Variants in CFAP299 observed in about 807,000 individuals in gnomAD.
The protein encoded by CFAP299 is cilia- and flagella-associated protein 299.
In CFAP299, 21 loss-of-function variants were observed where a neutral mutation model predicts 27.0. The ratio of observed to expected loss-of-function variants is 0.78; its 90% confidence interval spans 0.55 to 1.12. The LOEUF (loss-of-function observed/expected upper bound fraction) is 1.12, where lower values mean the gene tolerates loss of function less well. CFAP299 is among the 50% of genes most tolerant of loss of function. The pLI is 0.00. For synonymous variants in CFAP299, 104 were observed against 98.1 expected (o/e 1.06, Z -0.36); for missense variants, 310 against 276.6 (o/e 1.12, Z -0.86).
At chr4:80,707,361 C>G (rs533565437) in intron 3 of CFAP299, among the ~76,000 whole-genome samples, 3 of 151,698 alleles carry the variant, frequency 2.0e-5, no homozygotes, top group Non-Finnish European at 4.4e-5. Context: ...TTTCAGTGTC[C>G]ATAAATAAAG....
rs1375153131 is a variant in CFAP299, at chr4:80,948,868, A to G, written c.606+3929A>G. 2.6e-5 allele frequency among the ~76,000 whole-genome samples: 4 copies of G among 152,134 alleles called. No individual in the cohort carries two copies. The East Asian group carries it at 5.8e-4, about 22-fold the overall frequency. Reference sequence around the variant, plus strand: ...AATAGTAATAGTGCTACACTAATTAAAAGTTAATGAGTAAATTATGTTAGT... The same window carrying G: ...AATAGTAATAGTGCTACACTAATTAGAAGTTAATGAGTAAATTATGTTAGT... On this transcript the variant is annotated intron_variant, in intron 5 of 5. Coordinates refer to ENST00000358105, the MANE Select transcript of CFAP299 (RefSeq NM_152770.3).
chr4:80,493,226 G>A (rs1731231758), intron 2 of CFAP299, among the ~76,000 whole-genome samples: 1 of 152,172 alleles, frequency 6.6e-6, no homozygotes. Context: ...AATAGCACTT[G>A]AATATAAAAC....
intron 2 of CFAP299, among the ~76,000 whole-genome samples, chr4:80,439,000 T>A (rs1728223029): frequency 6.6e-6 from 1 of 152,264 alleles, no homozygotes; most frequent in Admixed American, 6.5e-5. Flanking sequence ...AAAAGCTATC[T>A]ATTTTTGTAT....
chr4:80,783,774 T>C (rs548730284), intron 3 of CFAP299, among the ~76,000 whole-genome samples: 1 of 152,274 alleles, frequency 6.6e-6, no homozygotes, highest in Admixed American at 6.5e-5. Flanking sequence ...ATATCCTAAA[T>C]TGTAATATTG....
chr4:80,358,633 A>T (rs1231839370), intron 1 of CFAP299, among the ~76,000 whole-genome samples: 2 of 152,122 alleles, frequency 1.3e-5, no homozygotes, highest in Non-Finnish European at 2.9e-5. Flanking sequence ...TTTGTCAGAA[A>T]CTATGATTGC....
At chr4:80,960,473 A>G (rs1365465735) in intron 5 of CFAP299, among the ~76,000 whole-genome samples, 1 of 151,890 alleles carries the variant, frequency 6.6e-6, no homozygotes, top group African/African-American at 2.4e-5. Flanking sequence ...TATCAACTAC[A>G]TAAGTGAAAG....
At chr4:80,439,275 C>G (rs1256635372) in intron 2 of CFAP299, among the ~76,000 whole-genome samples, 3 of 152,192 alleles carry the variant, frequency 2.0e-5, no homozygotes, top group African/African-American at 4.8e-5. Context: ...CAAATAGGAA[C>G]AGCTCCAGTC....
intron 3 of CFAP299, among the ~76,000 whole-genome samples, chr4:80,777,326 A>G (rs1005566121): frequency 6.6e-6 from 1 of 152,090 alleles, no homozygotes; most frequent in Non-Finnish European, 1.5e-5. Flanking sequence ...CTACCCCTGC[A>G]TCCCACACCT....
intron 4 of CFAP299, among the ~76,000 whole-genome samples, chr4:80,924,538 G>GTATGTA (rs1553906749): frequency 3.8e-5 from 5 of 131,670 alleles, no homozygotes; most frequent in African/African-American, 1.6e-4. Context: ...GTGTGTGTGT[G>GTATGTA]TATATATATA....
At position 80,451,962 on chromosome 4, in the gene CFAP299, G is replaced by A. The variant is rs988824189; in HGVS notation, c.242+89078G>A. 2.0e-5 allele frequency among the ~76,000 whole-genome samples: 3 copies of A among 152,160 alleles called. No homozygotes were observed. The South Asian group carries it at 6.2e-4, about 31-fold the overall frequency. ...GGGTATGTGCTAAGATTGTTACCTT[G>A]TAACTTGTAGCTACTGGCAGGTAGG... is the stretch of plus-strand genomic sequence containing the variant. On this transcript the variant is annotated intron_variant, in intron 2 of 5. Coordinates refer to ENST00000358105, the MANE Select transcript of CFAP299 (RefSeq NM_152770.3).
At chr4:80,643,857 T>C (rs1739848485) in intron 3 of CFAP299, among the ~76,000 whole-genome samples, 1 of 152,100 alleles carries the variant, frequency 6.6e-6, no homozygotes, top group African/African-American at 2.4e-5. Flanking sequence ...AAGAGAAAAA[T>C]CTTTAGAATA....
In CFAP299 at chr4:80,770,713, A is replaced by G. The variant is rs902361238; in HGVS notation, c.334-99280A>G. Among the ~76,000 whole-genome samples, 12 of 152,110 alleles carry G rather than the reference A, an allele frequency of 7.9e-5. No homozygotes were observed. In the South Asian group the frequency reaches 2.5e-3, roughly 31 times the overall value. ...AATCAAGGTGTCAGCCAGCTGCCTC[A>G]TTTGGAATCATAACTAAGGAAATAT... is the stretch of plus-strand genomic sequence containing the variant. On this transcript the variant is annotated intron_variant, in intron 3 of 5. Transcript: ENST00000358105.
chr4:80,813,907 A>G, intron 3 of CFAP299, among the ~76,000 whole-genome samples: 1 of 151,996 alleles, frequency 6.6e-6, no homozygotes, highest in East Asian at 1.9e-4. Context: ...ATTATCGTGA[A>G]ATTTGTTTCA....
intron 3 of CFAP299, among the ~76,000 whole-genome samples, chr4:80,866,063 A>ATATATATATATATT (rs1732717763): frequency 1.9e-5 from 1 of 53,006 alleles, no homozygotes; most frequent in African/African-American, 1.8e-4. Context: ...AAAGTATTAT[A>ATATATATATATATT]TATATATATA....
At chr4:80,653,610 A>T (rs889622804) in intron 3 of CFAP299, among the ~76,000 whole-genome samples, 12 of 152,276 alleles carry the variant, frequency 7.9e-5, no homozygotes, top group African/African-American at 2.6e-4. Context: ...AAGTGTATGA[A>T]AAAAACATAT....
chr4:80,552,778 C>T (rs1734588203), intron 2 of CFAP299, among the ~76,000 whole-genome samples: 1 of 152,030 alleles, frequency 6.6e-6, no homozygotes, highest in Non-Finnish European at 1.5e-5. Flanking sequence ...GCCTCATACT[C>T]CTTCACTCAA....
intron 4 of CFAP299, among the ~76,000 whole-genome samples, chr4:80,923,923 G>A (rs965286499): frequency 2.6e-5 from 4 of 152,086 alleles, no homozygotes; most frequent in East Asian, 1.9e-4. Flanking sequence ...AAGAGCCATC[G>A]TTTAGAGATC....
chr4:80,775,465 G>A (rs532489058), intron 3 of CFAP299, among the ~76,000 whole-genome samples: 9 of 151,864 alleles, frequency 5.9e-5, no homozygotes, highest in Admixed American at 3.3e-4. Flanking sequence ...TCTTCTATCT[G>A]TAATACACCA....
Position 80,572,411 on chromosome 4 carries a change from G to T in CFAP299, c.243-10682G>T, listed in dbSNP as rs141058518. On this transcript the variant is annotated intron_variant, in intron 2 of 5. Coordinates refer to ENST00000358105, the MANE Select transcript of CFAP299 (RefSeq NM_152770.3). The stretch of plus-strand genomic sequence containing the variant: ...TAGCTTCTAGCTTCCACAAATAAGT[G>T]AGAACAAGCAAAGTTTGTCTTTCTG... Among the ~76,000 whole-genome samples the T allele has an allele frequency of 7.3e-3, 1,084 of 149,450 alleles. 6 individuals carry two copies. Among genetic ancestry groups the T allele is most frequent in the Non-Finnish European group, 0.012 (831 of 67,556 alleles).
Sources: allele counts gnomAD v4.1 joint callset (sites outside exome capture counted in the v4.1 genomes callset), GRCh38; gene constraint gnomAD v4.1.1; transcripts MANE v1.5; gene names NCBI Gene and HGNC (gene_info 2026-07-23, HGNC 2026-07-21).